Variants in BMPR2 observed in about 807,000 individuals in gnomAD.
The protein encoded by BMPR2 is bone morphogenetic protein receptor type-2.
In BMPR2, 29 loss-of-function variants were observed where a neutral mutation model predicts 100.8. That is an observed-to-expected ratio of 0.29 (90% CI 0.21 to 0.39). The LOEUF (loss-of-function observed/expected upper bound fraction) is 0.39. BMPR2 is among the 10% of genes least tolerant of loss of function. The pLI is 1.00. For synonymous variants in BMPR2, 382 were observed against 442.3 expected (o/e 0.86, Z 1.71); for missense variants, 1,011 against 1,274.5 (o/e 0.79, Z 3.15).
chr2:202,420,496 A>G (rs1359894814), intron 1 of BMPR2, among the ~76,000 whole-genome samples: 1 of 146,082 alleles, frequency 6.8e-6, no homozygotes, highest in Admixed American at 6.9e-5. Flanking sequence ...TTATAACCCT[A>G]TACGTCCTGT....
intron 1 of BMPR2, among the ~76,000 whole-genome samples, chr2:202,446,711 G>T (rs1467681056): frequency 2.0e-5 from 3 of 149,036 alleles, no homozygotes; most frequent in African/African-American, 7.7e-5. Context: ...GAGTGCAGTG[G>T]TGCCATCTCA....
At position 202,503,700 on chromosome 2, in the gene BMPR2, G is replaced by A. The variant is rs1687457514; in HGVS notation, c.419-10019G>A. ...GGCCCGAGCCTCCCTGATGAGTGCC[G>A]CCCCCTGCTCCACGGCGCCCAGTCC... is the stretch of plus-strand genomic sequence containing the variant. On this transcript the variant is annotated intron_variant, in intron 3 of 12. Transcript: ENST00000374580. The surrounding 1 kb of genome is among the most constrained non-coding windows in gnomAD (Gnocchi z 4.0). Among the ~76,000 whole-genome samples the A allele has an allele frequency of 1.3e-5, 2 of 152,092 alleles. No individual in the cohort carries two copies. The highest frequency in any genetic ancestry group is 2.1e-4 in the South Asian group (1 of 4,830).
intron 12 of BMPR2, among the ~76,000 whole-genome samples, chr2:202,557,108 A>G (rs1688589501): frequency 6.6e-6 from 1 of 152,002 alleles, no homozygotes; most frequent in Non-Finnish European, 1.5e-5. Context: ...GGGCAGGTGG[A>G]TCACCTGAGG....
chr2:202,517,520 T>G (rs1687735402), intron 5 of BMPR2, among the ~76,000 whole-genome samples: 1 of 151,474 alleles, frequency 6.6e-6, no homozygotes, highest in Admixed American at 6.6e-5. Flanking sequence ...CCCAGCTAAT[T>G]TTTGTATTTC....
intron 5 of BMPR2, 106 bp downstream of exon 5, chr2:202,515,085 T>C: frequency 8.4e-7 from 1 of 1,185,482 alleles, no homozygotes; most frequent in Middle Eastern, 1.9e-4. Flanking sequence ...TTTAACCCTA[T>C]TTACTAAATT....
chr2:202,514,889 A>G lies in BMPR2; in HGVS notation c.531A>G (p.Gly177=), dbSNP rs1237028566. 6.2e-7 allele frequency: 1 copy of G among 1,613,016 alleles called. No homozygotes were observed. Among genetic ancestry groups the G allele is most frequent in the Admixed American group, 1.7e-5 (1 of 60,020 alleles). The change falls in exon 5 of 13, where the codon GGA becomes GGG. Residue 177 remains glycine (G), a splice_region_variant and synonymous_variant. Coordinates refer to ENST00000374580, the MANE Select transcript of BMPR2 (RefSeq NM_001204.7). ...ALCFGYRMLT[G]DRKQGLHSMN... is the part of the protein sequence containing the mutation. ...GTAACCTGTTTCCTGTTCTTATAGG[A>G]GACCGTAAACAAGGTCTTCACAGTA... is the stretch of plus-strand genomic sequence containing the variant.
chr2:202,466,437 C>T (rs530185784), intron 2 of BMPR2, among the ~76,000 whole-genome samples: 2 of 152,102 alleles, frequency 1.3e-5, no homozygotes, highest in East Asian at 3.9e-4. Flanking sequence ...CAGGTGCGCA[C>T]CACCACGCCC....
chr2:202,419,277 T>C lies in BMPR2; in HGVS notation c.76+41727T>C, dbSNP rs543923212. ...CGATTCACTTATTTAAAATGCCATG[T>C]ACTAATTAGCGTAACATTTTCTAGG... On this transcript the variant is annotated intron_variant, in intron 1 of 12. Transcript: ENST00000374580. 9.8e-5 allele frequency among the ~76,000 whole-genome samples: 15 copies of C among 152,380 alleles called. 1 individual carries two copies. The South Asian group carries it at 2.3e-3, about 23-fold the overall frequency.
chr2:202,514,820 TA>T, intron 4 of BMPR2, 67 bp from the exon 5 acceptor site: 1 of 1,265,858 alleles, frequency 7.9e-7, no homozygotes, highest in Non-Finnish European at 1.1e-6. Flanking sequence ...TGTAATATTA[TA>T]AAAAGTGTAA....
intron 1 of BMPR2, among the ~76,000 whole-genome samples, chr2:202,395,540 G>A (rs980449779): frequency 6.6e-6 from 1 of 152,204 alleles, no homozygotes; most frequent in Non-Finnish European, 1.5e-5. Context: ...TAAATTGTAA[G>A]TTTAAAAATC....
intron 9 of BMPR2, among the ~76,000 whole-genome samples, chr2:202,533,128 T>A (rs1180182295): frequency 6.6e-6 from 1 of 152,212 alleles, no homozygotes; most frequent in African/African-American, 2.4e-5. Flanking sequence ...AAACACTTTT[T>A]CCTTTTCTTT....
intron 1 of BMPR2, among the ~76,000 whole-genome samples, chr2:202,409,190 C>G (rs766122131): frequency 1.3e-5 from 2 of 151,956 alleles, no homozygotes; most frequent in Non-Finnish European, 2.9e-5. Flanking sequence ...ATAAAAAATA[C>G]AAAAATTAAT....
At chr2:202,467,449 T>A (rs1415174375) in intron 2 of BMPR2, 70 bp from the exon 3 acceptor site, 1 of 1,306,488 alleles carries the variant, frequency 7.7e-7, no homozygotes, top group Non-Finnish European at 1.1e-6. Flanking sequence ...AATTACTGCT[T>A]AGTTTGTTGT....
At chr2:202,507,092 A>G (rs1463353688) in intron 3 of BMPR2, among the ~76,000 whole-genome samples, 1 of 147,880 alleles carries the variant, frequency 6.8e-6, no homozygotes, top group Non-Finnish European at 1.5e-5. Context: ...AAAAAAAAAA[A>G]GGAATTCATT....
At chr2:202,456,063 C>CAAAAAAAAAAAA (rs750470872) in intron 1 of BMPR2, among the ~76,000 whole-genome samples, 1 of 36,754 alleles carries the variant, frequency 2.7e-5, no homozygotes, top group Admixed American at 3.4e-4. Flanking sequence ...AGACCCGTCT[C>CAAAAAAAAAAAA]AAAAAAAAAA....
rs552331168 is a variant in BMPR2, at chr2:202,414,974, C to T, written c.76+37424C>T. ...AGGCTGGTCTTGAACTCAGGTGATC[C>T]GCTTCCCTTGGCCTCCCAAAGTGTT... On this transcript the variant is annotated intron_variant, in intron 1 of 12. Transcript: ENST00000374580. Among the ~76,000 whole-genome samples, 14 of 151,940 alleles carry T rather than the reference C, an allele frequency of 9.2e-5. No homozygotes were observed. In the East Asian group the frequency reaches 1.4e-3, roughly 15 times the overall value.
intron 1 of BMPR2, among the ~76,000 whole-genome samples, chr2:202,404,841 C>CT (rs145762044): frequency 0.054 from 8,090 of 151,014 alleles, 700 homozygotes; most frequent in African/African-American, 0.19. Flanking sequence ...TGGGTGGAGA[C>CT]TTTTTTTTTA....
At chr2:202,456,354 A>G (rs951776575) in intron 1 of BMPR2, among the ~76,000 whole-genome samples, 35 of 150,326 alleles carry the variant, frequency 2.3e-4, no homozygotes, top group African/African-American at 8.6e-4. Flanking sequence ...TAAGTTTTGT[A>G]CTTTTAGTAG....
intron 7 of BMPR2, among the ~76,000 whole-genome samples, chr2:202,525,455 C>G (rs1687892301): frequency 6.6e-6 from 1 of 152,140 alleles, no homozygotes; most frequent in Non-Finnish European, 1.5e-5. Flanking sequence ...CCTCTGCCTC[C>G]CAAAGTGCTG....
Sources: allele counts gnomAD v4.1 joint callset (sites outside exome capture counted in the v4.1 genomes callset), GRCh38; gene constraint gnomAD v4.1.1; non-coding constraint Gnocchi (gnomAD v3.1); transcripts MANE v1.5; gene names NCBI Gene and HGNC (gene_info 2026-07-23, HGNC 2026-07-21).